Variants in TMEM255A observed in about 807,000 individuals in gnomAD.
The protein encoded by TMEM255A is family with sequence similarity 70, member A.
In TMEM255A, 14 loss-of-function variants were observed where a neutral mutation model predicts 23.5. The observed-to-expected ratio is 0.60, with a 90% confidence interval of 0.39 to 0.93. The LOEUF is 0.93. TMEM255A is among the 40% of genes least tolerant of loss of function. The pLI, the probability that TMEM255A is intolerant of heterozygous loss-of-function variation, is 0.00. For synonymous variants in TMEM255A, 104 were observed against 100.3 expected, an observed-to-expected ratio of 1.04 and a Z score of -0.22; for missense variants, 233 against 261.7, an observed-to-expected ratio of 0.89 and a Z score of 0.76.
chrX:120,255,620 A>AC, downstream of TMEM255A: 2 of 424,087 alleles, frequency 4.7e-6, no homozygotes, highest in Admixed American at 9.0e-5. Flanking sequence ...TAGAGGTGAG[A>AC]CCCCCTCCCC....
At position 120,291,358 on chromosome X, in the gene TMEM255A, A is replaced by G. The variant is rs1263908675; in HGVS notation, c.265-18T>C. ...GCCACCAGCTGTAGGGGGGAATAAA[A>G]CAAAAGCGTCTGTTAGCCTTTCGCA... is the stretch of plus-strand genomic sequence containing the variant. On this transcript the variant is annotated intron_variant, in intron 3 of 8. Transcript: ENST00000371369. 6.8e-6 allele frequency: 8 copies of G among 1,177,853 alleles called. No individual in the cohort carries two copies. The highest frequency in any genetic ancestry group is 9.2e-6 in the Non-Finnish European group (8 of 870,888).
chrX:120,259,294 TA>T lies in TMEM255A; in HGVS notation c.*1575del, dbSNP rs2057659587. On this transcript the variant is annotated 3_prime_UTR_variant, in exon 9 of 9. Transcript: ENST00000371369. The stretch of plus-strand genomic sequence containing the variant: ...GTAATTTTGTATAACATAAAAGGAT[TA>T]TAGTTTTTCGGATTCAAAATCTGGA... The T allele has an allele frequency of 8.9e-6, 1 of 112,854 alleles. No individual in the cohort carries two copies. The highest frequency in any genetic ancestry group is 3.6e-4 in the South Asian group (1 of 2,744). The allele number at this position is 112,854 out of a possible 1,213,427, so 9.3% of individuals were successfully genotyped here. A position where few individuals can be genotyped will look rare whatever the true frequency, so the allele number is the denominator to read the frequency against.
intron 4 of TMEM255A, among the ~76,000 whole-genome samples, chrX:120,290,468 T>C (rs2057907287): frequency 8.9e-6 from 1 of 112,395 alleles, no homozygotes; most frequent in Non-Finnish European, 1.9e-5. Flanking sequence ...CAAGGAATTA[T>C]TGTTATTAAG....
intron 7 of TMEM255A, among the ~76,000 whole-genome samples, chrX:120,275,297 GAAGA>G (rs1556019525): frequency 8.9e-6 from 1 of 111,981 alleles, no homozygotes; most frequent in African/African-American, 3.2e-5. Context: ...GGGAGAGAAA[GAAGA>G]AAGAGAGAGT....
intron 8 of TMEM255A, among the ~76,000 whole-genome samples, chrX:120,266,443 A>G (rs1332107838): frequency 4.5e-5 from 5 of 110,819 alleles, no homozygotes; most frequent in African/African-American, 1.6e-4. Flanking sequence ...CATTGATTGA[A>G]CTGAAACCAA....
chrX:120,273,307 A>G, intron 7 of TMEM255A: 1 of 320,605 alleles, frequency 3.1e-6, no homozygotes, highest in Non-Finnish European at 6.0e-6. Flanking sequence ...TCATGCTTGC[A>G]GATGATGACT....
intron 5 of TMEM255A, among the ~76,000 whole-genome samples, chrX:120,285,453 G>A: frequency 9.0e-6 from 1 of 111,364 alleles, no homozygotes; most frequent in Middle Eastern, 4.6e-3. Context: ...CCCCATCCCT[G>A]AATGGTGGAG....
At chrX:120,284,536 G>GCGCACA (rs782457376) in intron 6 of TMEM255A, among the ~76,000 whole-genome samples, 9 of 104,775 alleles carry the variant, frequency 8.6e-5, no homozygotes, top group African/African-American at 3.1e-4. Context: ...GCACGTGCAC[G>GCGCACA]CACACACACA....
chrX:120,287,085 A>G lies in TMEM255A; in HGVS notation c.423+69T>C, dbSNP rs1202309707. 13 of 932,928 alleles carry G rather than the reference A, an allele frequency of 1.4e-5. No homozygotes were observed. In the East Asian group the frequency reaches 4.0e-4, roughly 29 times the overall value. 76.9% of individuals were successfully genotyped at this position (932,928 alleles called of 1,213,427 possible). ...TTAGGCCCATGAAAAGGAGTAAAAG[A>G]AAGGGTGTTTCAGGCAGAACAGGGG... is the stretch of plus-strand genomic sequence containing the variant. On this transcript the variant is annotated intron_variant, in intron 5 of 8. Coordinates refer to ENST00000371369, the MANE Select transcript of TMEM255A (RefSeq NM_001104544.3).
At chrX:120,275,861 T>C (rs2057794536) in intron 7 of TMEM255A, among the ~76,000 whole-genome samples, 1 of 100,283 alleles carries the variant, frequency 1.0e-5, no homozygotes, top group Non-Finnish European at 2.0e-5. Flanking sequence ...GGTGCAATCA[T>C]GGCTTACTGC....
At chrX:120,271,952 T>G (rs782558749) in intron 7 of TMEM255A, among the ~76,000 whole-genome samples, 2 of 112,713 alleles carry the variant, frequency 1.8e-5, no homozygotes, top group African/African-American at 3.2e-5. Flanking sequence ...AGGAAGTACT[T>G]GCAAATCACA....
At chrX:120,253,283 C>CA in the TMEM255A span, 7 of 703,235 alleles carry the variant, frequency 1.0e-5, no homozygotes, top group Admixed American at 2.6e-4. Context: ...CTGTAAAAGC[C>CA]AAAAAATTAT....
Position 120,300,782 on chromosome X carries a change from A to T in TMEM255A, c.201+3567T>A, listed in dbSNP as rs185614145. On this transcript the variant is annotated intron_variant, in intron 2 of 8. Coordinates refer to ENST00000371369, the MANE Select transcript of TMEM255A (RefSeq NM_001104544.3). ...CTGGAGCCCAGTGGGGTGAGTGATC[A>T]TGGTTCACTGCAGCCTTAACCTCCT... Among the ~76,000 whole-genome samples, 7 of 109,547 alleles carry T rather than the reference A, an allele frequency of 6.4e-5. No individual in the cohort carries two copies. The East Asian group carries it at 2.0e-3, about 31-fold the overall frequency.
downstream of TMEM255A, chrX:120,257,902 C>T (rs1253230335): frequency 1.6e-5 from 2 of 122,700 alleles, no homozygotes; most frequent in East Asian, 5.6e-4. Flanking sequence ...CAAATTTGCT[C>T]CTATGCTAAA....
intron 4 of TMEM255A, 91 bp from the exon 5 acceptor site, chrX:120,287,313 ACACAC>A: frequency 6.0e-6 from 3 of 502,938 alleles, no homozygotes; most frequent in Admixed American, 3.1e-5. Flanking sequence ...TTGAATACAC[ACACAC>A]ACACACACAC....
intron 1 of TMEM255A, among the ~76,000 whole-genome samples, chrX:120,305,304 A>T (rs1482526631): frequency 9.0e-6 from 1 of 111,381 alleles, no homozygotes; most frequent in Admixed American, 9.5e-5. Context: ...ATCTAGGCTC[A>T]CTTTTTAATT....
intron 8 of TMEM255A, among the ~76,000 whole-genome samples, chrX:120,264,310 G>A (rs146761851): frequency 0.018 from 1,994 of 111,717 alleles, 39 homozygotes; most frequent in African/African-American, 0.061. Flanking sequence ...ACAGATGAGC[G>A]AGGAGGCAAA....
intron 7 of TMEM255A, among the ~76,000 whole-genome samples, chrX:120,269,152 C>T (rs1461954056): frequency 9.2e-6 from 1 of 108,114 alleles, no homozygotes; most frequent in African/African-American, 3.4e-5. Flanking sequence ...GCAAATAAAA[C>T]GATGCAGACA....
intron 8 of TMEM255A, among the ~76,000 whole-genome samples, chrX:120,261,890 C>T (rs1439716776): frequency 8.9e-6 from 1 of 111,976 alleles, no homozygotes; most frequent in Non-Finnish European, 1.9e-5. Flanking sequence ...TTGCTGTATC[C>T]TCCAGAGCTC....
Sources: allele counts gnomAD v4.1 joint callset (sites outside exome capture counted in the v4.1 genomes callset), GRCh38; gene constraint gnomAD v4.1.1; transcripts MANE v1.5; gene names NCBI Gene and HGNC (gene_info 2026-07-23, HGNC 2026-07-21).